TIGD5: variants seen among roughly 807,000 people sequenced by gnomAD.
The protein encoded by TIGD5 is tigger transposable element-derived protein 5.
TIGD5 carries 24 observed loss-of-function variants against 28.8 expected under a neutral mutation model. The ratio of observed to expected loss-of-function variants is 0.83; its 90% CI spans 0.60 to 1.17. The LOEUF (loss-of-function observed/expected upper bound fraction) is 1.17. Ranked by LOEUF, TIGD5 falls within the 50% of genes most tolerant of loss-of-function variation. The pLI is 0.00. For missense variants in TIGD5, 922 were observed against 911.4 expected (o/e 1.01, Z -0.15); for synonymous variants, 538 against 430.5 (o/e 1.25, Z -3.09).
Position 143,600,849 on chromosome 8 carries a change from C to T in TIGD5, c.*1017C>T, listed in dbSNP as rs1236749943. 1.3e-5 allele frequency: 2 copies of T among 152,384 alleles called. No individual in the cohort carries two copies. Among genetic ancestry groups the T allele is most frequent in the Non-Finnish European group, 2.9e-5 (2 of 68,122 alleles). The allele number at this position is 152,384 out of a possible 1,614,324, so 9.4% of individuals were successfully genotyped here. ...CCTGTCAAACCCTGGTTCTGTTCTG[C>T]TCTGGCCAGGTCTAGACCTACAGTC... On this transcript the variant is annotated 3_prime_UTR_variant, in exon 1 of 1. Transcript: ENST00000504548.
chr8:143,598,751 T>G lies in TIGD5; in HGVS notation c.848T>G (p.Leu283Arg). Residue 283 changes from leucine to arginine, a missense_variant, in exon 1 of 1, where the codon CTG becomes CGG. Physicochemically the swap from Leu to Arg is moderately radical, Grantham distance 102. This residue lies in a region of TIGD5 where 821 missense variants were observed against 815.2 expected (regional missense o/e 1.01). Coordinates refer to ENST00000504548, the MANE Select transcript of TIGD5 (RefSeq NM_032862.5). This position sits in a 1 kb window ranked among gnomAD's most constrained non-coding sequence, Gnocchi z 6.6. ...DRVTVLLAAN[L>R]TGSHKLKPLV... is the part of the protein sequence containing the mutation. ...GTAACGGTGCTGCTGGCCGCAAACC[T>G]GACCGGCAGCCACAAGCTGAAGCCG... The G allele has an allele frequency of 6.3e-7, 1 of 1,579,550 alleles. No homozygotes were observed. The highest frequency in any genetic ancestry group is 8.5e-7 in the Non-Finnish European group (1 of 1,169,854).
rs1829112041 is a variant in TIGD5, at chr8:143,597,917, G to T, written c.14G>T (p.Gly5Val). The T allele has an allele frequency of 2.3e-6, 2 of 853,268 alleles. No individual in the cohort carries two copies. Among genetic ancestry groups the T allele is most frequent in the Non-Finnish European group, 2.8e-6 (2 of 712,082 alleles). The allele number at this position is 853,268 out of a possible 1,614,324, so 52.9% of individuals were successfully genotyped here. MYPA[G>V]PPAGPVPRRG... Reference sequence around the variant, plus strand: ...CCCGCCGCAGCCATGTACCCCGCGGGCCCCCCGGCCGGCCCGGTACCGCGC... The same window carrying T: ...CCCGCCGCAGCCATGTACCCCGCGGTCCCCCCGGCCGGCCCGGTACCGCGC... Residue 5 changes from glycine (G) to valine (V), a missense_variant, in exon 1 of 1, where the codon GGC (glycine) becomes GTC (valine). Transcript: ENST00000504548.
rs532366123 is a variant in TIGD5 at position 143,599,122 on chromosome 8, G to A, written c.1219G>A (p.Gly407Ser). Reference protein sequence around the residue: ...GAVRVLFLSKGSSRAHIPAPL... With the variant: ...GAVRVLFLSKSSSRAHIPAPL... Reference sequence around the variant, plus strand: ...TGTGCGGGTGCTGTTCCTGTCCAAAGGCAGCAGCCGGGCACATATCCCCGC... The same window carrying A: ...TGTGCGGGTGCTGTTCCTGTCCAAAAGCAGCAGCCGGGCACATATCCCCGC... Residue 407 changes from glycine (G) to serine (S), a missense_variant, in exon 1 of 1, where the codon GGC becomes AGC. Physicochemically the swap from Gly to Ser is moderately conservative, Grantham distance 56. This residue lies in a region of TIGD5 where 821 missense variants were observed against 815.2 expected (regional missense o/e 1.01). Transcript: ENST00000504548. 9.2e-5 allele frequency: 146 copies of A among 1,589,408 alleles called. 1 individual carries two copies. The South Asian group carries it at 1.5e-3, about 17-fold the overall frequency.
Position 143,597,894 on chromosome 8 carries a change from C to A in TIGD5, c.-10C>A. On this transcript the variant is annotated 5_prime_UTR_variant, in exon 1 of 1. Coordinates refer to ENST00000504548, the MANE Select transcript of TIGD5 (RefSeq NM_032862.5). ...CGACCCGCGCGGCCCGGGTCCCCCC[C>A]GCCGCAGCCATGTACCCCGCGGGCC... 5 of 860,192 alleles carry A rather than the reference C, an allele frequency of 5.8e-6. No homozygotes were observed. Among genetic ancestry groups the A allele is most frequent in the Non-Finnish European group, 5.6e-6 (4 of 718,256 alleles). 53.3% of individuals were successfully genotyped at this position (860,192 alleles called of 1,614,324 possible).
Position 143,598,128 on chromosome 8 carries a change from C to T in TIGD5, c.225C>T (p.Ala75=). 6.3e-7 allele frequency: 1 copy of T among 1,586,546 alleles called. No individual in the cohort carries two copies. Among genetic ancestry groups the T allele is most frequent in the Non-Finnish European group, 8.6e-7 (1 of 1,168,750 alleles). The change falls in exon 1 of 1, where the codon GCC becomes GCT. Residue 75 remains alanine, a synonymous_variant. Coordinates refer to ENST00000504548, the MANE Select transcript of TIGD5 (RefSeq NM_032862.5). This position sits in a 1 kb window ranked among gnomAD's most constrained non-coding sequence, Gnocchi z 6.6. ...IERVKGGERQ[A]SVCRDFGVPG... Reference sequence around the variant, plus strand: ...GCGTCAAGGGCGGCGAGCGGCAGGCCAGTGTGTGCCGCGACTTCGGCGTGC... The same window carrying T: ...GCGTCAAGGGCGGCGAGCGGCAGGCTAGTGTGTGCCGCGACTTCGGCGTGC...
Position 143,600,058 on chromosome 8 carries a change from TC to T in TIGD5, c.*227del. On this transcript the variant is annotated 3_prime_UTR_variant, in exon 1 of 1. Coordinates refer to ENST00000504548, the MANE Select transcript of TIGD5 (RefSeq NM_032862.5). ...GGAAGAGAGGCCTGGCCCATGCTCC[TC>T]TCAGGGCAGGCACATGTACGGGGCA... The T allele has an allele frequency of 2.3e-6, 1 of 437,948 alleles. No individual in the cohort carries two copies. Among genetic ancestry groups the T allele is most frequent in the Non-Finnish European group, 3.9e-6 (1 of 254,720 alleles). The allele number at this position is 437,948 out of a possible 1,614,324, so 27.1% of individuals were successfully genotyped here.
Position 143,599,023 on chromosome 8 carries a change from A to G in TIGD5, c.1120A>G (p.Ser374Gly), listed in dbSNP as rs760463150. Residue 374 changes from serine to glycine, a missense_variant, in exon 1 of 1, where the codon AGC becomes GGC. Coordinates refer to ENST00000504548, the MANE Select transcript of TIGD5 (RefSeq NM_032862.5). ...SPAASMPALD[S>G]EDAPVRCRPE... The stretch of plus-strand genomic sequence containing the variant: ...AGCTGCCAGTATGCCCGCCCTGGAC[A>G]GCGAGGATGCCCCCGTGCGGTGCAG... 3.2e-6 allele frequency: 5 copies of G among 1,571,878 alleles called. No individual in the cohort carries two copies. In the East Asian group the frequency reaches 1.2e-4, roughly 37 times the overall value.
Position 143,598,138 on chromosome 8 carries a change from C to G in TIGD5, c.235C>G (p.Arg79Gly), listed in dbSNP as rs1829128681. 1 of 1,589,946 alleles carries G rather than the reference C, an allele frequency of 6.3e-7. No homozygotes were observed. Among genetic ancestry groups the G allele is most frequent in the Non-Finnish European group, 8.5e-7 (1 of 1,170,172 alleles). Residue 79 changes from arginine (R) to glycine (G), a missense_variant, in exon 1 of 1, where the codon CGC (arginine) becomes GGC (glycine). This residue lies in a region of TIGD5 where 821 missense variants were observed against 815.2 expected (regional missense o/e 1.01). Transcript: ENST00000504548. The surrounding 1 kb of genome is among the most constrained non-coding windows in gnomAD (Gnocchi z 6.6). ...CGGCGAGCGGCAGGCCAGTGTGTGCCGCGACTTCGGCGTGCCGGGCGGGAC... is the reference window on the plus strand; with the variant it reads ...CGGCGAGCGGCAGGCCAGTGTGTGCGGCGACTTCGGCGTGCCGGGCGGGAC... ...KGGERQASVCRDFGVPGGTLR... is the reference protein window; with the variant it reads ...KGGERQASVCGDFGVPGGTLR...
chr8:143,598,864 G>A lies in TIGD5; in HGVS notation c.961G>A (p.Ala321Thr), dbSNP rs747589697. 1.2e-6 allele frequency: 2 copies of A among 1,600,076 alleles called. No homozygotes were observed. Among genetic ancestry groups the A allele is most frequent in the Non-Finnish European group, 1.7e-6 (2 of 1,179,606 alleles). The change falls in exon 1 of 1, where the codon GCC becomes ACC. Residue 321 changes from alanine to threonine, a missense_variant. By Grantham distance (58) the Ala-to-Thr change is moderately conservative (BLOSUM62 0). Transcript: ENST00000504548. The surrounding 1 kb of genome is among the most constrained non-coding windows in gnomAD (Gnocchi z 6.6). ...FPASYRYSPD[A>T]WLSRPLLRGW... ...GGCCTCCTACCGCTACAGCCCCGAC[G>A]CCTGGCTCAGCCGCCCGCTGCTGCG...
rs975301280 is a variant in TIGD5, at chr8:143,603,061, G to T, written c.*3229G>T. ...TTACCTACCTAGTTGAGACACCCATGGGGAGCAGCCCCAACAGCATGTCGG... is the reference window on the plus strand; with the variant it reads ...TTACCTACCTAGTTGAGACACCCATTGGGAGCAGCCCCAACAGCATGTCGG... On this transcript the variant is annotated 3_prime_UTR_variant, in exon 1 of 1. Transcript: ENST00000504548. 1 of 152,324 alleles carries T rather than the reference G, an allele frequency of 6.6e-6. No homozygotes were observed. The highest frequency in any genetic ancestry group is 6.5e-5 in the Admixed American group (1 of 15,300). 9.4% of individuals were successfully genotyped at this position (152,324 alleles called of 1,614,324 possible). A position where few individuals can be genotyped will look rare whatever the true frequency, so the allele number is the denominator to read the frequency against.
Position 143,598,427 on chromosome 8 carries a change from G to A in TIGD5, c.524G>A (p.Trp175Ter). Residue 175 changes from tryptophan (W) to a stop codon, truncating the protein, a stop_gained, in exon 1 of 1, where the codon TGG becomes TAG. Coordinates refer to ENST00000504548, the MANE Select transcript of TIGD5 (RefSeq NM_032862.5). LOFTEE classifies it high-confidence loss of function. The surrounding 1 kb of genome is among the most constrained non-coding windows in gnomAD (Gnocchi z 6.6). ...FKASHGWFWRWQKRHGISSQR... is the reference protein window; with the variant it reads ...FKASHGWFWR ...GCCAGCCACGGCTGGTTCTGGCGCTGGCAGAAGCGCCACGGCATCTCCAGC... is the reference window on the plus strand; with the variant it reads ...GCCAGCCACGGCTGGTTCTGGCGCTAGCAGAAGCGCCACGGCATCTCCAGC... The A allele has an allele frequency of 1.3e-6, 2 of 1,502,670 alleles. No homozygotes were observed. The highest frequency in any genetic ancestry group is 1.8e-6 in the Non-Finnish European group (2 of 1,128,926). The allele number at this position is 1,502,670 out of a possible 1,614,324, so 93.1% of individuals were successfully genotyped here.
At position 143,598,344 on chromosome 8, in the gene TIGD5, C is replaced by T; in HGVS notation, c.441C>T (p.Ile147=). 2 of 1,602,614 alleles carry T rather than the reference C, an allele frequency of 1.2e-6. No individual in the cohort carries two copies. Among genetic ancestry groups the T allele is most frequent in the South Asian group, 1.1e-5 (1 of 89,954 alleles). The change falls in exon 1 of 1, where the codon ATC becomes ATT. Residue 147 remains isoleucine (I), a synonymous_variant. Transcript: ENST00000504548. This position sits in a 1 kb window ranked among gnomAD's most constrained non-coding sequence, Gnocchi z 6.6. ...GGGTGCCGCTGTCTGGCCCGCTCATCCAGGCGCAGGCCGAGGCCTTCGCGC... is the reference window on the plus strand; with the variant it reads ...GGGTGCCGCTGTCTGGCCCGCTCATTCAGGCGCAGGCCGAGGCCTTCGCGC... ...QHGVPLSGPL[I]QAQAEAFARQ...
rs1279543887 is a variant in TIGD5 at position 143,601,674 on chromosome 8, T to C, written c.*1842T>C. ...TTTCTTCCCATCTCAGCCCTTTTGT[T>C]GGCCCGGGTCCCAGGAGGCTGGTGT... On this transcript the variant is annotated 3_prime_UTR_variant, in exon 1 of 1. Coordinates refer to ENST00000504548, the MANE Select transcript of TIGD5 (RefSeq NM_032862.5). The C allele has an allele frequency of 1.3e-5, 2 of 152,364 alleles. No individual in the cohort carries two copies. The highest frequency in any genetic ancestry group is 2.9e-5 in the Non-Finnish European group (2 of 68,128). The allele number at this position is 152,364 out of a possible 1,614,324, so 9.4% of individuals were successfully genotyped here.
chr8:143,598,314 G>A lies in TIGD5; in HGVS notation c.411G>A (p.Gln137=). 1.9e-6 allele frequency: 3 copies of A among 1,608,496 alleles called. No individual in the cohort carries two copies. The highest frequency in any genetic ancestry group is 1.1e-5 in the South Asian group (1 of 90,688). Residue 137 remains glutamine, a synonymous_variant, in exon 1 of 1, where the codon CAG becomes CAA. Coordinates refer to ENST00000504548, the MANE Select transcript of TIGD5 (RefSeq NM_032862.5). The surrounding 1 kb of genome is among the most constrained non-coding windows in gnomAD (Gnocchi z 6.6). ...AVYAWFLALR[Q]HGVPLSGPLI... ...ACGCCTGGTTCCTGGCGCTGCGCCA[G>A]CACGGGGTGCCGCTGTCTGGCCCGC...
Position 143,598,877 on chromosome 8 carries a change from G to T in TIGD5, c.974G>T (p.Arg325Leu), listed in dbSNP as rs770005293. The T allele has an allele frequency of 6.3e-7, 1 of 1,599,444 alleles. No individual in the cohort carries two copies. Among genetic ancestry groups the T allele is most frequent in the Non-Finnish European group, 8.5e-7 (1 of 1,179,510 alleles). The change falls in exon 1 of 1, where the codon CGC becomes CTC. Residue 325 changes from arginine (R) to leucine (L), a missense_variant. Coordinates refer to ENST00000504548, the MANE Select transcript of TIGD5 (RefSeq NM_032862.5). The surrounding 1 kb of genome is among the most constrained non-coding windows in gnomAD (Gnocchi z 6.6). ...TACAGCCCCGACGCCTGGCTCAGCC[G>T]CCCGCTGCTGCGGGGCTGGTTCTTT... ...YRYSPDAWLS[R>L]PLLRGWFFEE...
Position 143,598,126 on chromosome 8 carries a change from G to C in TIGD5, c.223G>C (p.Ala75Pro), listed in dbSNP as rs1305653606. 1 of 1,585,658 alleles carries C rather than the reference G, an allele frequency of 6.3e-7. No individual in the cohort carries two copies. The highest frequency in any genetic ancestry group is 8.6e-7 in the Non-Finnish European group (1 of 1,168,416). ...GCGCGTCAAGGGCGGCGAGCGGCAG[G>C]CCAGTGTGTGCCGCGACTTCGGCGT... is the stretch of plus-strand genomic sequence containing the variant. The part of the protein sequence containing the change: ...IERVKGGERQ[A>P]SVCRDFGVPG... The change falls in exon 1 of 1, where the codon GCC (alanine) becomes CCC (proline). Residue 75 changes from alanine (A) to proline (P), a missense_variant. Coordinates refer to ENST00000504548, the MANE Select transcript of TIGD5 (RefSeq NM_032862.5). This position sits in a 1 kb window ranked among gnomAD's most constrained non-coding sequence, Gnocchi z 6.6.
chr8:143,598,607 A>C lies in TIGD5; in HGVS notation c.704A>C (p.Gln235Pro). ...GCCGAGGGCGGCTACGGGGACGAGC[A>C]GATTTACAGCGCCAGCGTCACCGGC... ...PPAEGGYGDE[Q>P]IYSASVTGLY... Residue 235 changes from glutamine (Q) to proline (P), a missense_variant, in exon 1 of 1, where the codon CAG becomes CCG. This residue lies in a region of TIGD5 where 821 missense variants were observed against 815.2 expected (regional missense o/e 1.01). Coordinates refer to ENST00000504548, the MANE Select transcript of TIGD5 (RefSeq NM_032862.5). This position sits in a 1 kb window ranked among gnomAD's most constrained non-coding sequence, Gnocchi z 6.6. 2.2e-6 allele frequency: 3 copies of C among 1,370,020 alleles called. No individual in the cohort carries two copies. The allele number at this position is 1,370,020 out of a possible 1,614,324, so 84.9% of individuals were successfully genotyped here. A position where few individuals can be genotyped will look rare whatever the true frequency, so the allele number is the denominator to read the frequency against.
Position 143,599,179 on chromosome 8 carries a change from A to T in TIGD5, c.1276A>T (p.Lys426Ter). The T allele has an allele frequency of 6.2e-7, 1 of 1,610,414 alleles. No individual in the cohort carries two copies. The highest frequency in any genetic ancestry group is 8.5e-7 in the Non-Finnish European group (1 of 1,179,274). The part of the protein sequence containing the change: ...PLEQGVVAAF[K>*]QLYKRELLRL... ...GGAGCAGGGCGTGGTGGCCGCCTTCAAACAGCTGTACAAGCGCGAGCTGCT... is the reference window on the plus strand; with the variant it reads ...GGAGCAGGGCGTGGTGGCCGCCTTCTAACAGCTGTACAAGCGCGAGCTGCT... The change falls in exon 1 of 1, where the codon AAA becomes TAA. Residue 426 changes from lysine (K) to a stop codon, truncating the protein, a stop_gained. Coordinates refer to ENST00000504548, the MANE Select transcript of TIGD5 (RefSeq NM_032862.5). LOFTEE classifies it high-confidence loss of function.
chr8:143,597,879 GGCCCGGGTCCCCCCCGCCGCA>G lies in TIGD5; in HGVS notation c.-21_-1del. 1.3e-6 allele frequency: 1 copy of G among 771,012 alleles called. No homozygotes were observed. The highest frequency in any genetic ancestry group is 1.6e-6 in the Non-Finnish European group (1 of 637,366). The allele number at this position is 771,012 out of a possible 1,614,324, so 47.8% of individuals were successfully genotyped here. ...GGCGTGTGGCTCCCGCGACCCGCGCGGCCCGGGTCCCCCCCGCCGCAGCCATGTACCCCGCGGGCCCCCCGG... is the reference window on the plus strand; with the variant it reads ...GGCGTGTGGCTCCCGCGACCCGCGCGGCCATGTACCCCGCGGGCCCCCCGG... On this transcript the variant is annotated 5_prime_UTR_variant, in exon 1 of 1. Transcript: ENST00000504548.
Sources: allele counts gnomAD v4.1 joint callset, GRCh38; gene constraint gnomAD v4.1.1; regional missense constraint gnomAD v4.1.1; non-coding constraint Gnocchi (gnomAD v3.1); transcripts MANE v1.5; gene names NCBI Gene and HGNC (gene_info 2026-07-23, HGNC 2026-07-21).